The following NGF variants were observed in gnomAD, a reference collection of about 807,000 sequenced individuals.
The protein encoded by NGF is nerve growth factor.
Under a neutral mutation model 12.8 loss-of-function variants are expected in NGF, and 4 were observed. The ratio of observed to expected loss-of-function variants is 0.31; its 90% CI spans 0.15 to 0.72. The LOEUF (loss-of-function observed/expected upper bound fraction) is 0.72, where lower values mean the gene tolerates loss of function less well. Among genes scored for constraint, NGF ranks in the 30% least tolerant of loss-of-function variants. NGF has a pLI of 0.69. For synonymous variants in NGF, 140 were observed against 130.0 expected, an observed-to-expected ratio of 1.08 and a Z score of -0.52; for missense variants, 283 against 330.8, an observed-to-expected ratio of 0.86 and a Z score of 1.12.
chr1:115,335,041 C>T lies in NGF; in HGVS notation c.-137+3163G>A, dbSNP rs569691935. ...CATTTTAATCTGATTCCTACTGTGT[C>T]CTAGTCTGAGGCCTCAAAAGCATGT... On this transcript the variant is annotated intron_variant, in intron 1 of 2. Coordinates refer to ENST00000369512, the MANE Select transcript of NGF (RefSeq NM_002506.3). Among the ~76,000 whole-genome samples, 6 of 152,256 alleles carry T rather than the reference C, an allele frequency of 3.9e-5. No homozygotes were observed. In the South Asian group the frequency reaches 1.2e-3, roughly 32 times the overall value.
chr1:115,314,337 TG>T (rs1308745798), intron 1 of NGF, among the ~76,000 whole-genome samples: 1 of 152,212 alleles, frequency 6.6e-6, no homozygotes, highest in Non-Finnish European at 1.5e-5. Flanking sequence ...TGACTGGGAT[TG>T]CACCTCCCTG....
chr1:115,316,743 C>T (rs1654483940), intron 1 of NGF, among the ~76,000 whole-genome samples: 1 of 152,060 alleles, frequency 6.6e-6, no homozygotes, highest in Non-Finnish European at 1.5e-5. Context: ...AAAATTTAGA[C>T]CAATTGAAAT....
At chr1:115,304,835 G>C (rs1557940180) in intron 1 of NGF, among the ~76,000 whole-genome samples, 1 of 152,150 alleles carries the variant, frequency 6.6e-6, no homozygotes, top group Non-Finnish European at 1.5e-5. Flanking sequence ...CAGGACAGCT[G>C]TCTGAGGAGG....
rs1305222963 is a variant in NGF at position 115,337,281 on chromosome 1, T to G, written c.-137+923A>C. 2.9e-3 allele frequency among the ~76,000 whole-genome samples: 259 copies of G among 88,472 alleles called. 7 individuals are homozygous for G. Among genetic ancestry groups the G allele is most frequent in the South Asian group, 5.6e-3 (11 of 1,956 alleles). The allele number at this position is 88,472 out of a possible 152,430, so 58.0% of individuals were successfully genotyped here. A position where few individuals can be genotyped will look rare whatever the true frequency, so the allele number is the denominator to read the frequency against. On this transcript the variant is annotated intron_variant, in intron 1 of 2. Coordinates refer to ENST00000369512, the MANE Select transcript of NGF (RefSeq NM_002506.3). The stretch of plus-strand genomic sequence containing the variant: ...GTTTTGTTTTTGTTTTTTTTTTTTT[T>G]TTTTTTTTTTTTTTTTTTTTTTTTA...
At chr1:115,297,538 C>T (rs1653909532) in intron 1 of NGF, among the ~76,000 whole-genome samples, 1 of 152,160 alleles carries the variant, frequency 6.6e-6, no homozygotes, top group Non-Finnish European at 1.5e-5. Context: ...ATATTTTGAT[C>T]AATTTCAGCC....
At chr1:115,311,468 A>T (rs1047017890) in intron 1 of NGF, among the ~76,000 whole-genome samples, 3 of 152,134 alleles carry the variant, frequency 2.0e-5, no homozygotes, top group Non-Finnish European at 4.4e-5. Context: ...TTCTCCCACA[A>T]GGGACATTTG....
chr1:115,309,411 A>G (rs35225488), intron 1 of NGF, among the ~76,000 whole-genome samples: 15,444 of 152,280 alleles, frequency 0.1, 1,122 homozygotes, highest in East Asian at 0.31. Context: ...ATATTTTGAA[A>G]TAAACTATGA....
At chr1:115,335,924 T>A (rs1435742043) in intron 1 of NGF, among the ~76,000 whole-genome samples, 2 of 152,204 alleles carry the variant, frequency 1.3e-5, no homozygotes, top group African/African-American at 4.8e-5. Context: ...TTCATCAGTT[T>A]ATTCTCGGTA....
intron 1 of NGF, among the ~76,000 whole-genome samples, chr1:115,318,670 T>G (rs1654535416): frequency 6.6e-6 from 1 of 152,164 alleles, no homozygotes; most frequent in African/African-American, 2.4e-5. Context: ...CTCTACTCTA[T>G]GTAGAGCCTT....
chr1:115,289,201 A>G (rs1376162343), intron 2 of NGF, among the ~76,000 whole-genome samples: 1 of 151,962 alleles, frequency 6.6e-6, no homozygotes, highest in Non-Finnish European at 1.5e-5. Flanking sequence ...TAAACCTTTT[A>G]CTTTTGCTCC....
At chr1:115,334,778 T>C (rs1655064246) in intron 1 of NGF, among the ~76,000 whole-genome samples, 1 of 152,216 alleles carries the variant, frequency 6.6e-6, no homozygotes, top group African/African-American at 2.4e-5. Flanking sequence ...TACTAAACTA[T>C]CTGCACTGTG....
chr1:115,318,217 G>T (rs749409424), intron 1 of NGF, among the ~76,000 whole-genome samples: 12 of 152,342 alleles, frequency 7.9e-5, no homozygotes, highest in Middle Eastern at 6.8e-3. Flanking sequence ...CAGGGGCATG[G>T]TTTGGTGAGC....
intron 1 of NGF, among the ~76,000 whole-genome samples, chr1:115,333,837 C>CTTTCT (rs1279397023): frequency 2.7e-5 from 4 of 146,882 alleles, no homozygotes; most frequent in Non-Finnish European, 3.0e-5. Context: ...TTCTCTCTCT[C>CTTTCT]TTTCTTTTCT....
intron 1 of NGF, among the ~76,000 whole-genome samples, chr1:115,305,181 A>G (rs935032377): frequency 6.6e-6 from 1 of 152,236 alleles, no homozygotes; most frequent in Admixed American, 6.5e-5. Context: ...ACTCAATAAC[A>G]TGTATTATGT....
intron 1 of NGF, among the ~76,000 whole-genome samples, chr1:115,321,427 C>G (rs190009579): frequency 1.3e-5 from 2 of 151,992 alleles, no homozygotes; most frequent in African/African-American, 4.8e-5. Context: ...TCTTTTTTTG[C>G]ATTTATTATA....
At chr1:115,337,037 A>T (rs1282997359) in intron 1 of NGF, among the ~76,000 whole-genome samples, 1 of 152,154 alleles carries the variant, frequency 6.6e-6, no homozygotes, top group Non-Finnish European at 1.5e-5. Context: ...ACGTGCACTA[A>T]GTTTTCCTTA....
At chr1:115,288,738 C>A (rs1470838816) in intron 2 of NGF, among the ~76,000 whole-genome samples, 1 of 152,176 alleles carries the variant, frequency 6.6e-6, no homozygotes, top group African/African-American at 2.4e-5. Context: ...TTCAATATTT[C>A]CAGGGCCAGT....
intron 1 of NGF, among the ~76,000 whole-genome samples, chr1:115,303,869 T>C (rs1364066554): frequency 6.6e-6 from 1 of 152,242 alleles, no homozygotes; most frequent in African/African-American, 2.4e-5. Flanking sequence ...ATGGAGTAGT[T>C]AAATGAATTG....
intron 1 of NGF, among the ~76,000 whole-genome samples, chr1:115,319,932 T>C (rs780947679): frequency 6.6e-6 from 1 of 152,144 alleles, no homozygotes; most frequent in African/African-American, 2.4e-5. Context: ...TATCATTAGA[T>C]GGCAAGGGGG....
Sources: gnomAD v4.1 joint callset for allele counts (sites outside exome capture counted in the v4.1 genomes callset) on GRCh38, gnomAD v4.1.1 for gene constraint, MANE v1.5 for transcripts, NCBI Gene and HGNC (gene_info 2026-07-23, HGNC 2026-07-21) for gene names.